OSGIN2: variants seen among roughly 807,000 people sequenced by gnomAD.
OSGIN2 encodes the protein oxidative stress-induced growth inhibitor 2.
A neutral mutation model predicts 53.8 loss-of-function variants in OSGIN2; 19 were observed. The observed-to-expected ratio is 0.35, with a 90% confidence interval of 0.25 to 0.52. The LOEUF is 0.52. Ranked by LOEUF, OSGIN2 falls within the 20% of genes least tolerant of loss-of-function variation. OSGIN2 has a pLI of 0.95. For missense variants in OSGIN2, 520 were observed against 662.7 expected (o/e 0.78, Z 2.36); for synonymous variants, 236 against 236.0 (o/e 1.00, Z 0.00).
At position 89,904,017 on chromosome 8, in the gene OSGIN2, C is replaced by G. The variant is rs373814136; in HGVS notation, c.44+1180C>G. 7.9e-4 allele frequency among the ~76,000 whole-genome samples: 121 copies of G among 152,320 alleles called. 4 individuals carry two copies. The South Asian group carries it at 0.017, about 21-fold the overall frequency. On this transcript the variant is annotated intron_variant, in intron 1 of 5. Coordinates refer to ENST00000451899, the MANE Select transcript of OSGIN2 (RefSeq NM_001126111.3). ...TGTAAGGCATAGAGAAAGTTTGGAA[C>G]TTCTTTTGTAACAGCGATAATCCAA...
Position 89,925,177 on chromosome 8 carries a change from C to T in OSGIN2, c.1295C>T (p.Ser432Leu), listed in dbSNP as rs1452876734. 6.2e-7 allele frequency: 1 copy of T among 1,614,000 alleles called. No homozygotes were observed. The highest frequency in any genetic ancestry group is 2.2e-5 in the East Asian group (1 of 44,890). The change falls in exon 6 of 6, where the codon TCG becomes TTG. Residue 432 changes from serine (S) to leucine (L), a missense_variant. By Grantham distance (145) the Ser-to-Leu change is moderately radical (BLOSUM62 -2). Transcript: ENST00000451899. ...FPEHRVLSFK[S>L]DMKCVLQSVS... Reference sequence around the variant, plus strand: ...GAGCACCGTGTGCTTTCCTTTAAGTCGGACATGAAATGTGTTCTCCAAAGC... The same window carrying T: ...GAGCACCGTGTGCTTTCCTTTAAGTTGGACATGAAATGTGTTCTCCAAAGC...
chr8:89,920,358 T>G (rs1809171268), intron 4 of OSGIN2, among the ~76,000 whole-genome samples: 1 of 152,182 alleles, frequency 6.6e-6, no homozygotes. Flanking sequence ...GGCAAGAAAT[T>G]ATGAGAAAAG....
Position 89,902,658 on chromosome 8 carries a change from A to G in OSGIN2, c.-136A>G, listed in dbSNP as rs1191947055. ...CCACAGAGCCGGGGCAGCCGCGGCA[A>G]CGGCGAGGCGCGAGGCAGGGGCGCC... On this transcript the variant is annotated 5_prime_UTR_variant, in exon 1 of 6. Coordinates refer to ENST00000451899, the MANE Select transcript of OSGIN2 (RefSeq NM_001126111.3). The G allele has an allele frequency of 1.1e-5, 2 of 189,508 alleles. No homozygotes were observed. Among genetic ancestry groups the G allele is most frequent in the Non-Finnish European group, 2.0e-5 (2 of 102,006 alleles). 11.7% of individuals were successfully genotyped at this position (189,508 alleles called of 1,614,324 possible). A position where few individuals can be genotyped will look rare whatever the true frequency, so the allele number is the denominator to read the frequency against.
In OSGIN2 at chr8:89,927,235, G is replaced by C. The variant is rs537991683; in HGVS notation, c.*1703G>C. ...AGGATAAAACCTTTGACATCCCCTT[G>C]TGTCTCAAAAGTCCACAGTTATTCA... On this transcript the variant is annotated 3_prime_UTR_variant, in exon 6 of 6. Coordinates refer to ENST00000451899, the MANE Select transcript of OSGIN2 (RefSeq NM_001126111.3). 4 of 151,612 alleles carry C rather than the reference G, an allele frequency of 2.6e-5. No homozygotes were observed. In the East Asian group the frequency reaches 5.8e-4, roughly 22 times the overall value. 9.4% of individuals were successfully genotyped at this position (151,612 alleles called of 1,614,324 possible). A position where few individuals can be genotyped will look rare whatever the true frequency, so the allele number is the denominator to read the frequency against.
At position 89,925,688 on chromosome 8, in the gene OSGIN2, A is replaced by G. The variant is rs1420139462; in HGVS notation, c.*156A>G. 12 of 594,146 alleles carry G rather than the reference A, an allele frequency of 2.0e-5. No individual in the cohort carries two copies. The highest frequency in any genetic ancestry group is 3.5e-5 in the Non-Finnish European group (12 of 341,662). The allele number at this position is 594,146 out of a possible 1,614,324, so 36.8% of individuals were successfully genotyped here. ...TTTTTAAAAGTTACTAGAATTTGGT[A>G]TCCTGATTTATATTGCAGTGTTTCA... On this transcript the variant is annotated 3_prime_UTR_variant, in exon 6 of 6. Coordinates refer to ENST00000451899, the MANE Select transcript of OSGIN2 (RefSeq NM_001126111.3).
In OSGIN2 at chr8:89,925,158, C is replaced by T. The variant is rs373718790; in HGVS notation, c.1276C>T (p.Arg426Cys). ...TGATTATACCAGCTTTCCCGAGCAC[C>T]GTGTGCTTTCCTTTAAGTCGGACAT... ...LSDYTSFPEH[R>C]VLSFKSDMKC... is the part of the protein sequence containing the mutation. Residue 426 changes from arginine to cysteine, a missense_variant, in exon 6 of 6, where the codon CGT becomes TGT. Around this residue, in one of 3 missense-constraint regions of OSGIN2, gnomAD observed 239 missense variants for 328.3 expected, o/e 0.73. Transcript: ENST00000451899. 1.4e-5 allele frequency: 22 copies of T among 1,613,942 alleles called. No individual in the cohort carries two copies. Among genetic ancestry groups the T allele is most frequent in the South Asian group, 2.2e-5 (2 of 91,078 alleles).
chr8:89,920,090 C>G (rs1809164262), intron 4 of OSGIN2, among the ~76,000 whole-genome samples: 1 of 152,106 alleles, frequency 6.6e-6, no homozygotes, highest in African/African-American at 2.4e-5. Flanking sequence ...AGGTGAAACT[C>G]TCAGGTTCCA....
At position 89,909,616 on chromosome 8, in the gene OSGIN2, C is replaced by A. The variant is rs758990604; in HGVS notation, c.94C>A (p.Gln32Lys). The change falls in exon 2 of 6, where the codon CAA becomes AAA. Residue 32 changes from glutamine (Q) to lysine (K), a missense_variant. Gln to Lys is a moderately conservative substitution (Grantham distance 53). Around this residue, in one of 3 missense-constraint regions of OSGIN2, gnomAD observed 203 missense variants for 275.3 expected, o/e 0.74. Coordinates refer to ENST00000451899, the MANE Select transcript of OSGIN2 (RefSeq NM_001126111.3). ...TEGEIFNSLV[Q>K]YFGDNLGRKV... is the part of the protein sequence containing the mutation. The stretch of plus-strand genomic sequence containing the variant: ...AGGAGAGATTTTTAATTCCTTAGTG[C>A]AATACTTTGGTGACAACTTGGGGCG... 1 of 1,603,246 alleles carries A rather than the reference C, an allele frequency of 6.2e-7. No individual in the cohort carries two copies. Among genetic ancestry groups the A allele is most frequent in the Admixed American group, 1.7e-5 (1 of 59,642 alleles).
rs905362717 is a variant in OSGIN2, at chr8:89,926,498, A to G, written c.*966A>G. 1 of 152,608 alleles carries G rather than the reference A, an allele frequency of 6.6e-6. No individual in the cohort carries two copies. The highest frequency in any genetic ancestry group is 6.5e-5 in the Admixed American group (1 of 15,276). The allele number at this position is 152,608 out of a possible 1,614,324, so 9.5% of individuals were successfully genotyped here. On this transcript the variant is annotated 3_prime_UTR_variant, in exon 6 of 6. Coordinates refer to ENST00000451899, the MANE Select transcript of OSGIN2 (RefSeq NM_001126111.3). ...TTGTAATACTGTTTGGGCATTGTCT[A>G]AATTATTAAAGGTTAAAATAGAAAA...
intron 2 of OSGIN2, 39 bp from the exon 3 acceptor site, chr8:89,914,038 A>G: frequency 1.9e-6 from 3 of 1,583,444 alleles, no homozygotes; most frequent in Non-Finnish European, 1.7e-6. Context: ...GAGTATTAAG[A>G]TGCATGACCT....
chr8:89,922,594 A>G (rs1333000634), intron 5 of OSGIN2, among the ~76,000 whole-genome samples: 16 of 152,210 alleles, frequency 1.1e-4, no homozygotes, highest in Admixed American at 1.0e-3. Context: ...TATAAAGAGA[A>G]GACTCTTAGG....
intron 1 of OSGIN2, among the ~76,000 whole-genome samples, chr8:89,907,861 T>C (rs1218116038): frequency 6.6e-6 from 1 of 152,248 alleles, no homozygotes; most frequent in Non-Finnish European, 1.5e-5. Context: ...TTTGTATGAA[T>C]TTGCATAGCC....
At chr8:89,920,210 A>T (rs1373259389) in intron 4 of OSGIN2, among the ~76,000 whole-genome samples, 1 of 152,182 alleles carries the variant, frequency 6.6e-6, no homozygotes, top group African/African-American at 2.4e-5. Flanking sequence ...AGCTTGCTAC[A>T]TTCTCTTTCT....
intron 5 of OSGIN2, chr8:89,921,383 T>C: frequency 2.4e-6 from 1 of 418,388 alleles, no homozygotes. Flanking sequence ...TATTGCAGAT[T>C]GGTTTCCTGT....
intron 1 of OSGIN2, among the ~76,000 whole-genome samples, chr8:89,904,077 C>T (rs919549372): frequency 1.3e-5 from 2 of 152,122 alleles, no homozygotes; most frequent in East Asian, 3.8e-4. Flanking sequence ...TAGAATGAGT[C>T]TCTAGGTTGT....
chr8:89,924,049 A>G (rs1299765472), intron 5 of OSGIN2, among the ~76,000 whole-genome samples: 2 of 152,080 alleles, frequency 1.3e-5, no homozygotes. Context: ...ACTAAAATTC[A>G]TGTCAAGATG....
At chr8:89,912,738 C>G (rs1808993431) in intron 2 of OSGIN2, among the ~76,000 whole-genome samples, 1 of 150,914 alleles carries the variant, frequency 6.6e-6, no homozygotes, top group Non-Finnish European at 1.5e-5. Context: ...CAGCGAGACT[C>G]TGTCTGAAAA....
Position 89,914,586 on chromosome 8 carries a change from G to A in OSGIN2, c.368G>A (p.Gly123Asp), listed in dbSNP as rs1809038722. The A allele has an allele frequency of 1.2e-6, 2 of 1,613,876 alleles. No homozygotes were observed. The highest frequency in any genetic ancestry group is 1.7e-6 in the Non-Finnish European group (2 of 1,179,924). The change falls in exon 4 of 6, where the codon GGC (glycine) becomes GAC (aspartate). Residue 123 changes from glycine (G) to aspartate (D), a missense_variant. By Grantham distance (94) the Gly-to-Asp change is moderately conservative (BLOSUM62 -1). This residue lies in a region of OSGIN2 where 203 missense variants were observed against 275.3 expected (regional missense o/e 0.74). Transcript: ENST00000451899. The part of the protein sequence containing the change: ...DLEYLSEGLE[G>D]RSSNPVAVLF... ...GAATACTTGTCTGAGGGCCTTGAGG[G>A]CCGATCATCCAATCCAGTTGCAGTA... is the stretch of plus-strand genomic sequence containing the variant.
At chr8:89,903,143 A>G (rs914699973) in intron 1 of OSGIN2, among the ~76,000 whole-genome samples, 4 of 152,162 alleles carry the variant, frequency 2.6e-5, no homozygotes, top group African/African-American at 7.2e-5. Flanking sequence ...GCAAAGTTTT[A>G]GTGAAGGGGG....
Sources: allele counts gnomAD v4.1 joint callset (sites outside exome capture counted in the v4.1 genomes callset), GRCh38; gene constraint gnomAD v4.1.1; regional missense constraint gnomAD v4.1.1; transcripts MANE v1.5; gene names NCBI Gene and HGNC (gene_info 2026-07-23, HGNC 2026-07-21).